Variants in CPED1 observed in about 807,000 individuals in gnomAD.
CPED1 encodes cadherin-like and PC-esterase domain-containing protein 1.
CPED1 carries 114 observed loss-of-function variants against 128.2 expected under a neutral mutation model. That is an observed-to-expected ratio of 0.89 (90% CI 0.76 to 1.04). The LOEUF (loss-of-function observed/expected upper bound fraction) is 1.04, where lower values mean the gene tolerates loss of function less well. Among genes scored for constraint, CPED1 ranks in the 50% least tolerant of loss-of-function variants. The pLI is 0.00. For missense variants in CPED1, 1,211 were observed against 1,207.1 expected (o/e 1.00, Z -0.05); for synonymous variants, 462 against 426.7 (o/e 1.08, Z -1.02).
At chr7:121,269,433 A>G (rs115139873) in intron 21 of CPED1, among the ~76,000 whole-genome samples, 123 of 152,066 alleles carry the variant, frequency 8.1e-4, no homozygotes, top group African/African-American at 2.9e-3. Flanking sequence ...TGTCTTTTCT[A>G]TTGTGAATAG....
intron 2 of CPED1, among the ~76,000 whole-genome samples, chr7:121,001,815 G>A (rs1267859214): frequency 1.3e-5 from 2 of 151,980 alleles, no homozygotes; most frequent in African/African-American, 4.8e-5. Context: ...TGTGGTCCAG[G>A]GATTGAAATG....
chr7:121,182,522 C>G (rs1796922258), intron 16 of CPED1, among the ~76,000 whole-genome samples: 1 of 151,354 alleles, frequency 6.6e-6, no homozygotes, highest in Non-Finnish European at 1.5e-5. Context: ...CTCTTCCTCC[C>G]TCCCTTTTTC....
At chr7:121,160,622 GAGAA>G (rs1188500514) in intron 16 of CPED1, among the ~76,000 whole-genome samples, 1 of 152,162 alleles carries the variant, frequency 6.6e-6, no homozygotes, top group African/African-American at 2.4e-5. Context: ...GCCAGAAAGG[GAGAA>G]AGAGAGTGAT....
At chr7:121,117,351 T>G (rs1795276683) in intron 7 of CPED1, among the ~76,000 whole-genome samples, 1 of 151,942 alleles carries the variant, frequency 6.6e-6, no homozygotes, top group Admixed American at 6.6e-5. Context: ...TCCACCTGCC[T>G]CGGCCTCCCA....
Position 121,295,763 on chromosome 7 carries a change from T to C in CPED1, c.*111T>C, listed in dbSNP as rs1016399258. On this transcript the variant is annotated 3_prime_UTR_variant, in exon 23 of 23. Coordinates refer to ENST00000310396, the MANE Select transcript of CPED1 (RefSeq NM_024913.5). The stretch of plus-strand genomic sequence containing the variant: ...CACATTTGGGATCGACCACACACAC[T>C]TGTGCACACCAGCACATGCATGCAC... The C allele has an allele frequency of 7.6e-6, 6 of 789,102 alleles. No individual in the cohort carries two copies. The Admixed American group carries it at 1.3e-4, about 17-fold the overall frequency. 48.9% of individuals were successfully genotyped at this position (789,102 alleles called of 1,614,324 possible).
chr7:121,262,830 T>C (rs918311661), intron 18 of CPED1, among the ~76,000 whole-genome samples: 1 of 152,092 alleles, frequency 6.6e-6, no homozygotes, highest in Admixed American at 6.6e-5. Flanking sequence ...CCTGACAGTA[T>C]TTTCAAATTG....
At chr7:120,989,947 A>G in intron 2 of CPED1, 77 bp downstream of exon 2, 7 of 1,550,918 alleles carry the variant, frequency 4.5e-6, no homozygotes, top group Non-Finnish European at 6.1e-6. Context: ...CTATAAAACT[A>G]AAATTAACTT....
At chr7:121,040,675 A>G (rs776627466) in intron 3 of CPED1, among the ~76,000 whole-genome samples, 24 of 152,064 alleles carry the variant, frequency 1.6e-4, no homozygotes, top group Non-Finnish European at 2.8e-4. Context: ...AAGAAGGGTA[A>G]TACAAATGAA....
intron 16 of CPED1, among the ~76,000 whole-genome samples, chr7:121,158,141 G>C (rs772769273): frequency 6.6e-6 from 1 of 152,184 alleles, no homozygotes; most frequent in Non-Finnish European, 1.5e-5. Context: ...CAAATAGGAA[G>C]TAATTATTGG....
At chr7:121,132,087 G>GA (rs922523719) in intron 12 of CPED1, among the ~76,000 whole-genome samples, 4 of 151,454 alleles carry the variant, frequency 2.6e-5, no homozygotes, top group Non-Finnish European at 4.4e-5. Context: ...TTGCATTCAA[G>GA]AAAAAAATGC....
At chr7:121,226,301 CACCAGCCGA>C (rs1798010822) in intron 16 of CPED1, among the ~76,000 whole-genome samples, 1 of 151,990 alleles carries the variant, frequency 6.6e-6, no homozygotes, top group Admixed American at 6.6e-5. Flanking sequence ...GCCTGGGTGT[CACCAGCCGA>C]GGCTTGGTTG....
intron 16 of CPED1, among the ~76,000 whole-genome samples, chr7:121,170,069 T>C (rs1309390687): frequency 6.6e-6 from 1 of 152,214 alleles, no homozygotes; most frequent in Non-Finnish European, 1.5e-5. Context: ...TTTTCTTCCT[T>C]GTCTTGCCAT....
intron 22 of CPED1, among the ~76,000 whole-genome samples, chr7:121,286,316 C>T (rs1792571705): frequency 6.6e-6 from 1 of 152,194 alleles, no homozygotes; most frequent in Admixed American, 6.5e-5. Flanking sequence ...AATCATATCA[C>T]TCCTCTTTGT....
At chr7:120,991,477 A>C (rs567288290) in intron 2 of CPED1, among the ~76,000 whole-genome samples, 1 of 152,314 alleles carries the variant, frequency 6.6e-6, no homozygotes, top group East Asian at 1.9e-4. Context: ...GAGAAAGGCA[A>C]TTTCTTAAAA....
In CPED1 at chr7:121,059,646, G is replaced by GT. The variant is rs1355328169; in HGVS notation, c.541-4586dup. ...AATTCATAATATTATTGTAGTTTTA[G>GT]TTTTTTAATTTATAAGCACTCCATA... On this transcript the variant is annotated intron_variant, in intron 4 of 22. Transcript: ENST00000310396. Among the ~76,000 whole-genome samples, 14 of 151,948 alleles carry GT rather than the reference G, an allele frequency of 9.2e-5. No individual in the cohort carries two copies. In the East Asian group the frequency reaches 2.7e-3, roughly 29 times the overall value.
chr7:121,188,001 A>G (rs1797042471), intron 16 of CPED1, among the ~76,000 whole-genome samples: 1 of 152,180 alleles, frequency 6.6e-6, no homozygotes, highest in Non-Finnish European at 1.5e-5. Context: ...CTGTTTAAAA[A>G]CATAAACAAT....
chr7:121,010,374 C>A (rs756744828), intron 2 of CPED1, among the ~76,000 whole-genome samples: 1 of 152,114 alleles, frequency 6.6e-6, no homozygotes, highest in Non-Finnish European at 1.5e-5. Context: ...CCTCAGCCTC[C>A]AGAGTAGCTG....
intron 3 of CPED1, among the ~76,000 whole-genome samples, chr7:121,018,087 A>G (rs1792347741): frequency 1.3e-5 from 2 of 152,078 alleles, no homozygotes; most frequent in African/African-American, 4.8e-5. Context: ...TTGTTTTTTT[A>G]TTTGATTTTG....
At chr7:121,216,026 A>G (rs1419740015) in intron 16 of CPED1, among the ~76,000 whole-genome samples, 1 of 152,094 alleles carries the variant, frequency 6.6e-6, no homozygotes, top group Non-Finnish European at 1.5e-5. Context: ...CCACACAGCT[A>G]CTAAGTGGCA....
Sources: allele counts gnomAD v4.1 joint callset (sites outside exome capture counted in the v4.1 genomes callset), GRCh38; gene constraint gnomAD v4.1.1; transcripts MANE v1.5; gene names NCBI Gene and HGNC (gene_info 2026-07-23, HGNC 2026-07-21).